Variants in PALS2 observed in about 807,000 individuals in gnomAD.
PALS2 encodes protein associated with LIN7 2, MAGUK p55 family member, also known as protein PALS2.
Under a neutral mutation model 61.6 loss-of-function variants are expected in PALS2, and 27 were observed. That is an observed-to-expected ratio of 0.44 (90% CI 0.32 to 0.60). PALS2 has a LOEUF of 0.60. Ranked by LOEUF, PALS2 falls within the 20% of genes least tolerant of loss-of-function variation. The pLI is 0.05. For missense variants in PALS2, 554 were observed against 639.4 expected, an observed-to-expected ratio of 0.87 and a Z score of 1.44; for synonymous variants, 236 against 218.6, an observed-to-expected ratio of 1.08 and a Z score of -0.70.
intron 1 of PALS2, among the ~76,000 whole-genome samples, chr7:24,578,149 G>T (rs1782707725): frequency 6.6e-6 from 1 of 152,014 alleles, no homozygotes; most frequent in Non-Finnish European, 1.5e-5. Context: ...GTCTTGCTGT[G>T]TGTGTTGCCC....
chr7:24,590,003 C>G (rs903798052), intron 1 of PALS2, among the ~76,000 whole-genome samples: 2 of 152,028 alleles, frequency 1.3e-5, no homozygotes, highest in Non-Finnish European at 2.9e-5. Context: ...TCAAAAATGG[C>G]CTAGTACATT....
chr7:24,641,976 A>G, intron 3 of PALS2, 108 bp downstream of exon 3: 2 of 1,195,370 alleles, frequency 1.7e-6, no homozygotes, highest in Non-Finnish European at 2.4e-6. Flanking sequence ...TAGGGCTATA[A>G]TAGGTAAGTA....
At chr7:24,676,476 C>CT (rs1484349382) in intron 9 of PALS2, among the ~76,000 whole-genome samples, 1 of 152,020 alleles carries the variant, frequency 6.6e-6, no homozygotes, top group Non-Finnish European at 1.5e-5. Context: ...ATGGTAACGC[C>CT]TAGGTTTTCT....
At chr7:24,651,222 G>A (rs1380136503) in intron 5 of PALS2, among the ~76,000 whole-genome samples, 2 of 152,202 alleles carry the variant, frequency 1.3e-5, no homozygotes, top group African/African-American at 2.4e-5. Context: ...GTAATTGAAC[G>A]GGAAAATGTT....
intron 1 of PALS2, among the ~76,000 whole-genome samples, chr7:24,581,998 A>G (rs984316625): frequency 6.6e-6 from 1 of 152,220 alleles, no homozygotes; most frequent in African/African-American, 2.4e-5. Flanking sequence ...ACTCTGGGTC[A>G]TCATTCTTAT....
At chr7:24,632,251 A>G (rs1785030399) in intron 2 of PALS2, among the ~76,000 whole-genome samples, 1 of 152,188 alleles carries the variant, frequency 6.6e-6, no homozygotes, top group South Asian at 2.1e-4. Flanking sequence ...GTCTGAAATT[A>G]ATATAGCTAC....
At chr7:24,636,784 T>C (rs1003801177) in intron 2 of PALS2, among the ~76,000 whole-genome samples, 5 of 151,264 alleles carry the variant, frequency 3.3e-5, no homozygotes, top group African/African-American at 9.8e-5. Flanking sequence ...TCTTATTGAT[T>C]TGTAGAAGTC....
intron 1 of PALS2, among the ~76,000 whole-genome samples, chr7:24,576,078 T>C (rs1174556467): frequency 6.6e-6 from 1 of 152,172 alleles, no homozygotes; most frequent in African/African-American, 2.4e-5. Flanking sequence ...TACTGAACTG[T>C]TTGGGAATAT....
chr7:24,633,386 A>T (rs1785092473), intron 2 of PALS2, among the ~76,000 whole-genome samples: 4 of 117,724 alleles, frequency 3.4e-5, no homozygotes, highest in Non-Finnish European at 5.1e-5. Flanking sequence ...ACATTTAAAG[A>T]TTTCACTCTA....
At chr7:24,614,547 A>G (rs1346761290) in intron 1 of PALS2, among the ~76,000 whole-genome samples, 1 of 151,964 alleles carries the variant, frequency 6.6e-6, no homozygotes, top group Non-Finnish European at 1.5e-5. Flanking sequence ...GCAACAGGCT[A>G]AATCAATTAT....
intron 1 of PALS2, among the ~76,000 whole-genome samples, chr7:24,620,795 A>C (rs1784470585): frequency 6.6e-6 from 1 of 152,182 alleles, no homozygotes; most frequent in Non-Finnish European, 1.5e-5. Flanking sequence ...ATATACATTG[A>C]AATAGGATTT....
chr7:24,649,617 G>A lies in PALS2; in HGVS notation c.276G>A (p.Leu92=). ...GILKEPHFQS[L]LEAHDIVASK... ...GCTATTTTGACTCCTTATAGTCACTGTTGGAGGCCCATGATATTGTGGCAT... is the reference window on the plus strand; with the variant it reads ...GCTATTTTGACTCCTTATAGTCACTATTGGAGGCCCATGATATTGTGGCAT... The change falls in exon 4 of 12, where the codon CTG becomes CTA. Residue 92 remains leucine, a synonymous_variant. Coordinates refer to ENST00000222644, the MANE Select transcript of PALS2 (RefSeq NM_001303037.2). 1 of 1,600,012 alleles carries A rather than the reference G, an allele frequency of 6.2e-7. No homozygotes were observed. Among genetic ancestry groups the A allele is most frequent in the Non-Finnish European group, 8.5e-7 (1 of 1,173,912 alleles).
intron 2 of PALS2, among the ~76,000 whole-genome samples, chr7:24,630,278 A>G (rs898817319): frequency 2.4e-4 from 37 of 152,136 alleles, no homozygotes; most frequent in African/African-American, 8.0e-4. Flanking sequence ...AAGTTGAACA[A>G]TGAAGAACAT....
intron 11 of PALS2, among the ~76,000 whole-genome samples, chr7:24,683,719 C>T (rs1264481480): frequency 2.0e-5 from 3 of 152,140 alleles, no homozygotes; most frequent in Non-Finnish European, 4.4e-5. Context: ...CATAGTTGAT[C>T]ACTGCTTCTT....
At chr7:24,576,951 A>G (rs1030328184) in intron 1 of PALS2, among the ~76,000 whole-genome samples, 2 of 152,204 alleles carry the variant, frequency 1.3e-5, no homozygotes, top group Admixed American at 6.5e-5. Flanking sequence ...TACCAGGTGT[A>G]ATAAAGTCAA....
chr7:24,600,425 C>T (rs1023648227), intron 1 of PALS2, among the ~76,000 whole-genome samples: 4 of 152,060 alleles, frequency 2.6e-5, no homozygotes, highest in African/African-American at 9.7e-5. Context: ...TCATTTCCCC[C>T]TGAATCAAGG....
At chr7:24,663,022 T>G (rs1266887266) in intron 5 of PALS2, among the ~76,000 whole-genome samples, 1 of 152,224 alleles carries the variant, frequency 6.6e-6, no homozygotes, top group African/African-American at 2.4e-5. Flanking sequence ...CTTCAGTATT[T>G]GTCTTACAAT....
At chr7:24,592,486 A>G (rs1028314931) in intron 1 of PALS2, among the ~76,000 whole-genome samples, 2 of 152,028 alleles carry the variant, frequency 1.3e-5, no homozygotes, top group Non-Finnish European at 2.9e-5. Context: ...TCTGTAGGTG[A>G]TGGGAAACTA....
chr7:24,590,661 T>A (rs1284573593), intron 1 of PALS2, among the ~76,000 whole-genome samples: 1 of 152,096 alleles, frequency 6.6e-6, no homozygotes, highest in Non-Finnish European at 1.5e-5. Flanking sequence ...TCCTATAAGG[T>A]CTCAGCTTCA....
Sources: gnomAD v4.1 joint callset for allele counts (sites outside exome capture counted in the v4.1 genomes callset) on GRCh38, gnomAD v4.1.1 for gene constraint, MANE v1.5 for transcripts, NCBI Gene and HGNC (gene_info 2026-07-23, HGNC 2026-07-21) for gene names.